SECISBP2L: variants seen among roughly 807,000 people sequenced by gnomAD.
The protein encoded by SECISBP2L is selenocysteine insertion sequence-binding protein 2-like.
A neutral mutation model predicts 114.7 loss-of-function variants in SECISBP2L; 43 were observed. That is an observed-to-expected ratio of 0.38 (90% CI 0.29 to 0.48). The LOEUF (loss-of-function observed/expected upper bound fraction) is 0.48, where lower values mean the gene tolerates loss of function less well. SECISBP2L is among the 20% of genes least tolerant of loss of function. SECISBP2L has a pLI of 0.98. For missense variants in SECISBP2L, 1,136 were observed against 1,301.1 expected (o/e 0.87, Z 1.95); for synonymous variants, 451 against 439.7 (o/e 1.03, Z -0.32).
At chr15:49,000,435 T>C (rs1359154744) in intron 15 of SECISBP2L, among the ~76,000 whole-genome samples, 1 of 152,190 alleles carries the variant, frequency 6.6e-6, no homozygotes, top group Admixed American at 6.5e-5. Context: ...TCTACTACAG[T>C]CACCTAAAGT....
At chr15:48,995,031 G>A (rs1174812052) in intron 17 of SECISBP2L, among the ~76,000 whole-genome samples, 1 of 151,904 alleles carries the variant, frequency 6.6e-6, no homozygotes, top group African/African-American at 2.4e-5. Context: ...TTTAGGCAGA[G>A]TATAGAAAAA....
chr15:49,039,276 C>T (rs1406144253), intron 1 of SECISBP2L, among the ~76,000 whole-genome samples: 1 of 152,088 alleles, frequency 6.6e-6, no homozygotes, highest in Non-Finnish European at 1.5e-5. Flanking sequence ...TCTTCAAACT[C>T]TAATGATACA....
intron 10 of SECISBP2L, 73 bp downstream of exon 10, chr15:49,016,775 A>C: frequency 6.5e-7 from 1 of 1,542,302 alleles, no homozygotes; most frequent in Non-Finnish European, 8.7e-7. Flanking sequence ...GACTACATTT[A>C]TCACTCCTTC....
Position 49,016,431 on chromosome 15 carries a change from TACATATATATACACACACACAC to T in SECISBP2L, c.1561+107_1561+128del, listed in dbSNP as rs1285568087. ...TAAAATACACACACACAAACACACA[TACATATATATACACACACACAC>T]ACATATATATACACATACATATATA... On this transcript the variant is annotated intron_variant, in intron 11 of 17. Coordinates refer to ENST00000559471, the MANE Select transcript of SECISBP2L (RefSeq NM_001193489.2). 10 of 748,874 alleles carry T rather than the reference TACATATATATACACACACACAC, an allele frequency of 1.3e-5. No homozygotes were observed. In the Admixed American group the frequency reaches 1.4e-4, roughly 10 times the overall value. 46.4% of individuals were successfully genotyped at this position (748,874 alleles called of 1,614,324 possible). A position where few individuals can be genotyped will look rare whatever the true frequency, so the allele number is the denominator to read the frequency against.
intron 7 of SECISBP2L, among the ~76,000 whole-genome samples, chr15:49,025,308 T>C (rs918335388): frequency 6.6e-6 from 1 of 152,186 alleles, no homozygotes; most frequent in African/African-American, 2.4e-5. Context: ...TCTGAAATGC[T>C]TGGGACCAGA....
At position 49,033,118 on chromosome 15, in the gene SECISBP2L, CA is replaced by C; in HGVS notation, c.529-19del. The C allele has an allele frequency of 6.3e-7, 1 of 1,591,270 alleles. No homozygotes were observed. The highest frequency in any genetic ancestry group is 1.4e-5 in the African/African-American group (1 of 72,740). On this transcript the variant is annotated intron_variant, in intron 3 of 17. Coordinates refer to ENST00000559471, the MANE Select transcript of SECISBP2L (RefSeq NM_001193489.2). ...AGCTGTTGCTGATTTAAAAAAAAAACAAAAAAACAAAAAACACACAACTATT... is the reference window on the plus strand; with the variant it reads ...AGCTGTTGCTGATTTAAAAAAAAAACAAAAAACAAAAAACACACAACTATT...
intron 13 of SECISBP2L, 86 bp from the exon 14 acceptor site, chr15:49,009,464 C>G: frequency 2.2e-6 from 3 of 1,379,714 alleles, no homozygotes; most frequent in Non-Finnish European, 3.0e-6. Flanking sequence ...TTAGAATGGC[C>G]ATTGTCTTTT....
At chr15:49,032,747 T>C (rs1902919428) in intron 4 of SECISBP2L, among the ~76,000 whole-genome samples, 2 of 152,212 alleles carry the variant, frequency 1.3e-5, no homozygotes, top group African/African-American at 4.8e-5. Context: ...AAGGACATCT[T>C]AAACCCGCCC....
At position 49,037,608 on chromosome 15, in the gene SECISBP2L, C is replaced by T. The variant is rs769057229; in HGVS notation, c.186G>A (p.Gln62=). 1.2e-6 allele frequency: 2 copies of T among 1,613,276 alleles called. No homozygotes were observed. The highest frequency in any genetic ancestry group is 4.5e-5 in the East Asian group (2 of 44,844). Residue 62 remains glutamine (Q), a synonymous_variant, in exon 2 of 18, where the codon CAG becomes CAA. Coordinates refer to ENST00000559471, the MANE Select transcript of SECISBP2L (RefSeq NM_001193489.2). ...CAAATTACCTATTGGACTGGTTTTC[C>T]TGCACAAATGGGTAACAAGTAATCA... ...SYLITCYPFV[Q]ENQSNRQFPL... is the part of the protein sequence containing the mutation.
At chr15:48,994,123 AT>A (rs559396584) in intron 17 of SECISBP2L, among the ~76,000 whole-genome samples, 224 of 151,896 alleles carry the variant, frequency 1.5e-3, no homozygotes, top group Non-Finnish European at 1.9e-3. Context: ...AAAAAAAAAA[AT>A]CACCTCCTCC....
chr15:49,037,356 C>A lies in SECISBP2L; in HGVS notation c.203+235G>T, dbSNP rs929655437. ...TTTCTCCCTTTGAGCTGACTTACTT[C>A]AAATAAATTTCAATGACTTACTGAA... On this transcript the variant is annotated intron_variant, in intron 2 of 17. Transcript: ENST00000559471. 1.7e-5 allele frequency: 4 copies of A among 242,200 alleles called. No individual in the cohort carries two copies. The East Asian group carries it at 3.6e-4, about 22-fold the overall frequency. The allele number at this position is 242,200 out of a possible 1,614,324, so 15.0% of individuals were successfully genotyped here. A position where few individuals can be genotyped will look rare whatever the true frequency, so the allele number is the denominator to read the frequency against.
intron 1 of SECISBP2L, among the ~76,000 whole-genome samples, chr15:49,040,597 G>C (rs371938834): frequency 7.5e-6 from 1 of 133,812 alleles, no homozygotes; most frequent in Non-Finnish European, 1.5e-5. Flanking sequence ...GTGCAGTGGC[G>C]CAATCTCGGC....
At chr15:49,027,894 C>A (rs1902782151) in intron 6 of SECISBP2L, among the ~76,000 whole-genome samples, 1 of 152,184 alleles carries the variant, frequency 6.6e-6, no homozygotes, top group Admixed American at 6.5e-5. Context: ...GAGGCGTGAG[C>A]CACCTTACCC....
intron 1 of SECISBP2L, among the ~76,000 whole-genome samples, chr15:49,044,492 C>T (rs977071612): frequency 6.6e-6 from 1 of 152,108 alleles, no homozygotes; most frequent in Non-Finnish European, 1.5e-5. Flanking sequence ...AACTGCCTAT[C>T]GCATAAATGA....
chr15:49,010,155 C>CACACACACACACACA (rs1240452675), intron 13 of SECISBP2L, among the ~76,000 whole-genome samples: 1 of 37,088 alleles, frequency 2.7e-5, no homozygotes, highest in Non-Finnish European at 7.1e-5. Context: ...ACACACACAC[C>CACACACACACACACA]CCTCTTGCCA....
intron 1 of SECISBP2L, among the ~76,000 whole-genome samples, chr15:49,043,180 A>G (rs1903177029): frequency 6.6e-6 from 1 of 152,194 alleles, no homozygotes; most frequent in Non-Finnish European, 1.5e-5. Context: ...AACTATACGT[A>G]TTACTGAATA....
chr15:49,027,194 C>T (rs1902761654), intron 7 of SECISBP2L, among the ~76,000 whole-genome samples, 171 bp downstream of exon 7: 1 of 152,048 alleles, frequency 6.6e-6, no homozygotes, highest in Admixed American at 6.6e-5. Context: ...AACACTTTGC[C>T]ATTTTGTTTC....
rs776067104 is a variant in SECISBP2L, at chr15:49,016,658, A to C, written c.1463T>G (p.Val488Gly). The C allele has an allele frequency of 1.2e-6, 2 of 1,604,644 alleles. No homozygotes were observed. The highest frequency in any genetic ancestry group is 2.3e-5 in the South Asian group (2 of 88,462). ...KAAGKKNKTP[V>G]QLDLGDMLAA... ...TAACATGTCCCCTAAATCTAGCTGCACAGGTGTTTTATTCTTTTTTCCAGC... is the reference window on the plus strand; with the variant it reads ...TAACATGTCCCCTAAATCTAGCTGCCCAGGTGTTTTATTCTTTTTTCCAGC... Residue 488 changes from valine to glycine, a missense_variant, in exon 11 of 18, where the codon GTG becomes GGG. Around this residue, in one of 2 missense-constraint regions of SECISBP2L, gnomAD observed 684 missense variants for 848.7 expected, o/e 0.81. Transcript: ENST00000559471.
intron 16 of SECISBP2L, among the ~76,000 whole-genome samples, chr15:48,997,852 A>G (rs1566851621): frequency 6.6e-6 from 1 of 152,106 alleles, no homozygotes; most frequent in East Asian, 1.9e-4. Context: ...CTGGGCAACA[A>G]GAGTGAACCT....
Sources: gnomAD v4.1 joint callset for allele counts (sites outside exome capture counted in the v4.1 genomes callset) on GRCh38, gnomAD v4.1.1 for gene constraint, gnomAD v4.1.1 regional missense constraint, MANE v1.5 for transcripts, NCBI Gene and HGNC (gene_info 2026-07-23, HGNC 2026-07-21) for gene names.